CYYR1: variants seen among roughly 807,000 people sequenced by gnomAD.
CYYR1 encodes the protein cysteine and tyrosine-rich protein 1.
CYYR1 carries 14 observed loss-of-function variants against 15.2 expected under a neutral mutation model. The observed-to-expected ratio is 0.92, with a 90% confidence interval of 0.61 to 1.44. The LOEUF (loss-of-function observed/expected upper bound fraction) is 1.44, where lower values mean the gene tolerates loss of function less well. CYYR1 is among the 40% of genes most tolerant of loss of function. The probability of loss-of-function intolerance (pLI) is 0.00; values close to 1 mark genes in which losing one functional copy is unlikely to be tolerated. For missense variants in CYYR1, 228 were observed against 209.5 expected, an observed-to-expected ratio of 1.09 and a Z score of -0.54; for synonymous variants, 80 against 77.4, an observed-to-expected ratio of 1.03 and a Z score of -0.18.
Position 26,493,256 on chromosome 21 carries a change from T to C in CYYR1, c.177-12827A>G, listed in dbSNP as rs566036702. Among the ~76,000 whole-genome samples the C allele has an allele frequency of 2.0e-5, 3 of 152,278 alleles. No individual in the cohort carries two copies. In the South Asian group the frequency reaches 6.2e-4, roughly 32 times the overall value. On this transcript the variant is annotated intron_variant, in intron 2 of 3. Coordinates refer to ENST00000652641, the MANE Select transcript of CYYR1 (RefSeq NM_001320768.2). ...ACTGTAAAGAACTTGAACTTTTTATTGGAGTTCATGGGAAACAAATGAAAT... is the reference window on the plus strand; with the variant it reads ...ACTGTAAAGAACTTGAACTTTTTATCGGAGTTCATGGGAAACAAATGAAAT...
chr21:26,525,470 T>C (rs2065852012), intron 2 of CYYR1, among the ~76,000 whole-genome samples: 1 of 152,158 alleles, frequency 6.6e-6, no homozygotes. Flanking sequence ...ACTTTGGAAT[T>C]TAGTTCCTGC....
rs1004408390 is a variant in CYYR1 at position 26,466,406 on chromosome 21, T to C, written c.*2095A>G. ...GGTAATGTGCACATTGATGCTATTA[T>C]GACACTTAATACAAATAGTAAAAAT... is the stretch of plus-strand genomic sequence containing the variant. On this transcript the variant is annotated 3_prime_UTR_variant, in exon 4 of 4. Coordinates refer to ENST00000652641, the MANE Select transcript of CYYR1 (RefSeq NM_001320768.2). 1.4e-4 allele frequency: 22 copies of C among 152,212 alleles called. No individual in the cohort carries two copies. Among genetic ancestry groups the C allele is most frequent in the Non-Finnish European group, 1.6e-4 (11 of 68,028 alleles). 9.4% of individuals were successfully genotyped at this position (152,212 alleles called of 1,614,324 possible). A position where few individuals can be genotyped will look rare whatever the true frequency, so the allele number is the denominator to read the frequency against.
At chr21:26,553,842 A>T (rs1040065897) in intron 2 of CYYR1, among the ~76,000 whole-genome samples, 2 of 152,156 alleles carry the variant, frequency 1.3e-5, no homozygotes, top group South Asian at 4.1e-4. Context: ...AATATATAAC[A>T]TGTATATTAT....
intron 3 of CYYR1, chr21:26,477,575 C>A (rs537099299): frequency 5.2e-6 from 2 of 381,766 alleles, no homozygotes; most frequent in African/African-American, 2.2e-5. Context: ...ACATTACTAT[C>A]GTGACATTTA....
At chr21:26,506,250 C>G (rs539610605) in intron 2 of CYYR1, among the ~76,000 whole-genome samples, 97 of 152,242 alleles carry the variant, frequency 6.4e-4, no homozygotes, top group African/African-American at 2.1e-3. Flanking sequence ...TACTTTAATT[C>G]TAGGTCACCA....
At chr21:26,533,332 G>A (rs555306103) in intron 2 of CYYR1, among the ~76,000 whole-genome samples, 10 of 151,942 alleles carry the variant, frequency 6.6e-5, no homozygotes, top group African/African-American at 1.2e-4. Context: ...CTCACAATAT[G>A]TCATTTGCAA....
At chr21:26,557,960 G>T (rs890841086) in intron 2 of CYYR1, among the ~76,000 whole-genome samples, 3 of 152,174 alleles carry the variant, frequency 2.0e-5, no homozygotes, top group African/African-American at 7.2e-5. Flanking sequence ...ATTCAGACAT[G>T]TTCCTCTCAT....
intron 2 of CYYR1, among the ~76,000 whole-genome samples, chr21:26,515,318 C>T (rs2065711690): frequency 6.6e-6 from 1 of 152,160 alleles, no homozygotes; most frequent in South Asian, 2.1e-4. Context: ...TTACATGTTA[C>T]TCTTTCAGTA....
At chr21:26,505,789 G>A (rs1477817378) in intron 2 of CYYR1, among the ~76,000 whole-genome samples, 1 of 149,176 alleles carries the variant, frequency 6.7e-6, no homozygotes, top group Non-Finnish European at 1.5e-5. Flanking sequence ...GGAGAAACTA[G>A]GTTAATACAT....
At chr21:26,554,076 C>G (rs1239981667) in intron 2 of CYYR1, among the ~76,000 whole-genome samples, 1 of 152,166 alleles carries the variant, frequency 6.6e-6, no homozygotes, top group South Asian at 2.1e-4. Context: ...TTAAGTCTTA[C>G]AAGTCTTGAC....
At chr21:26,520,111 G>GATATATATATATATATAT (rs1491365888) in intron 2 of CYYR1, among the ~76,000 whole-genome samples, 1,315 of 82,536 alleles carry the variant, frequency 0.016, 77 homozygotes, top group African/African-American at 0.032. Context: ...AAAAACCCAG[G>GATATATATATATATATAT]AGATATATAT....
intron 2 of CYYR1, among the ~76,000 whole-genome samples, chr21:26,509,066 A>G (rs1321319071): frequency 1.3e-5 from 2 of 152,220 alleles, no homozygotes; most frequent in African/African-American, 4.8e-5. Flanking sequence ...GCTACACTGC[A>G]TCACACTCAA....
chr21:26,540,673 A>G (rs1978490261), intron 2 of CYYR1, among the ~76,000 whole-genome samples: 1 of 152,192 alleles, frequency 6.6e-6, no homozygotes, highest in African/African-American at 2.4e-5. Flanking sequence ...TTCTAGATTA[A>G]CTACAAATAA....
chr21:26,475,680 A>G (rs991742887), intron 3 of CYYR1, among the ~76,000 whole-genome samples: 3 of 152,178 alleles, frequency 2.0e-5, no homozygotes, highest in African/African-American at 7.2e-5. Flanking sequence ...AAAATTTTGT[A>G]CTTGCTAGCT....
chr21:26,533,079 A>G (rs1357932425), intron 2 of CYYR1, among the ~76,000 whole-genome samples: 1 of 151,664 alleles, frequency 6.6e-6, no homozygotes, highest in Non-Finnish European at 1.5e-5. Flanking sequence ...GATAAGGGAT[A>G]CTCAACCCGG....
intron 2 of CYYR1, among the ~76,000 whole-genome samples, chr21:26,565,288 C>T (rs73351190): frequency 0.079 from 12,094 of 152,202 alleles, 1,642 homozygotes; most frequent in African/African-American, 0.27. Context: ...GCCGTCTCAA[C>T]GGACACTTCC....
intron 2 of CYYR1, among the ~76,000 whole-genome samples, chr21:26,513,406 A>G (rs1470160144): frequency 6.6e-6 from 1 of 152,152 alleles, no homozygotes; most frequent in African/African-American, 2.4e-5. Flanking sequence ...CCAACCCTCA[A>G]TACACACACA....
rs1226091275 is a variant in CYYR1 at position 26,468,552 on chromosome 21, A to G, written c.417T>C (p.Gly139=). The part of the protein sequence containing the change: ...LPPPYSPTPQ[G]PAQRSPPPPY... ...GAGGGGGTGGAGAACGCTGTGCTGG[A>G]CCCTGTGGGGTGGGGGAGTATGGAG... The change falls in exon 4 of 4, where the codon GGT becomes GGC. Residue 139 remains glycine (G), a synonymous_variant. Coordinates refer to ENST00000652641, the MANE Select transcript of CYYR1 (RefSeq NM_001320768.2). 6.2e-7 allele frequency: 1 copy of G among 1,612,246 alleles called. No homozygotes were observed. Among genetic ancestry groups the G allele is most frequent in the African/African-American group, 1.3e-5 (1 of 74,580 alleles).
rs1250412797 is a variant in CYYR1, at chr21:26,482,343, A to G, written c.177-1914T>C. 7.1e-6 allele frequency: 7 copies of G among 985,218 alleles called. No individual in the cohort carries two copies. In the South Asian group the frequency reaches 2.3e-4, roughly 33 times the overall value. The allele number at this position is 985,218 out of a possible 1,614,324, so 61.0% of individuals were successfully genotyped here. A position where few individuals can be genotyped will look rare whatever the true frequency, so the allele number is the denominator to read the frequency against. ...ATATCTGCTCCTTGCAAAAATTCCTAGAAATCTTTCCCACATTATCAGTAG... is the reference window on the plus strand; with the variant it reads ...ATATCTGCTCCTTGCAAAAATTCCTGGAAATCTTTCCCACATTATCAGTAG... On this transcript the variant is annotated intron_variant, in intron 2 of 3. Transcript: ENST00000652641.
Sources: allele counts gnomAD v4.1 joint callset (sites outside exome capture counted in the v4.1 genomes callset), GRCh38; gene constraint gnomAD v4.1.1; transcripts MANE v1.5; gene names NCBI Gene and HGNC (gene_info 2026-07-23, HGNC 2026-07-21).